LIMS1: variants seen among roughly 807,000 people sequenced by gnomAD.
The protein encoded by LIMS1 is LIM and senescent cell antigen-like-containing domain protein 1.
A neutral mutation model predicts 44.1 loss-of-function variants in LIMS1; 18 were observed. That is an observed-to-expected ratio of 0.41 (90% CI 0.28 to 0.61). The LOEUF is 0.61. Ranked by LOEUF, LIMS1 falls within the 20% of genes least tolerant of loss-of-function variation. The pLI is 0.32. For synonymous variants in LIMS1, 93 were observed against 149.1 expected (o/e 0.62, Z 2.74); for missense variants, 201 against 422.0 (o/e 0.48, Z 4.59).
chr2:108,563,079 T>C lies in LIMS1; in HGVS notation c.32+28485T>C, dbSNP rs570151764. Among the ~76,000 whole-genome samples, 8 of 152,330 alleles carry C rather than the reference T, an allele frequency of 5.3e-5. No individual in the cohort carries two copies. In the South Asian group the frequency reaches 1.4e-3, roughly 28 times the overall value. On this transcript the variant is annotated intron_variant, in intron 1 of 9. Transcript: ENST00000544547. ...GTGTGCAGCATGGTTTCCTGAATAT[T>C]TTAAGCCCACTGTTGAGACCTGCTC...
intron 1 of LIMS1, among the ~76,000 whole-genome samples, chr2:108,591,595 G>C (rs920462181): frequency 3.9e-5 from 6 of 151,974 alleles, no homozygotes; most frequent in Admixed American, 3.9e-4. Flanking sequence ...AAATAGCTGT[G>C]ACTACAGGCA....
intron 1 of LIMS1, among the ~76,000 whole-genome samples, chr2:108,571,381 A>G (rs1024922302): frequency 1.1e-4 from 17 of 152,238 alleles, no homozygotes; most frequent in African/African-American, 3.9e-4. Flanking sequence ...AGGCTCCATG[A>G]AAATGACTCT....
intron 1 of LIMS1, among the ~76,000 whole-genome samples, chr2:108,617,639 A>G (rs904655839): frequency 2.0e-5 from 3 of 152,230 alleles, no homozygotes; most frequent in South Asian, 4.1e-4. Flanking sequence ...CCCTGGCCCT[A>G]TAGATGCAGC....
chr2:108,577,620 A>C (rs1685717116), intron 1 of LIMS1, among the ~76,000 whole-genome samples: 1 of 152,198 alleles, frequency 6.6e-6, no homozygotes, highest in Admixed American at 6.5e-5. Context: ...CTCAAAAGTT[A>C]ATTTTTACAA....
At chr2:108,615,498 C>T (rs1338856884) in intron 1 of LIMS1, among the ~76,000 whole-genome samples, 1 of 152,036 alleles carries the variant, frequency 6.6e-6, no homozygotes, top group East Asian at 1.9e-4. Flanking sequence ...ATCAGCATGC[C>T]TTTTTGTGGT....
chr2:108,608,912 T>C (rs1011660071), intron 1 of LIMS1, among the ~76,000 whole-genome samples: 2 of 152,178 alleles, frequency 1.3e-5, no homozygotes, highest in Admixed American at 1.3e-4. Context: ...ATTACCGTCA[T>C]TACTGCCACT....
chr2:108,594,613 GAA>G (rs952512042), intron 1 of LIMS1, among the ~76,000 whole-genome samples: 3 of 152,096 alleles, frequency 2.0e-5, no homozygotes, highest in Non-Finnish European at 4.4e-5. Context: ...CTATCCTGTA[GAA>G]ATACAATGTA....
intron 1 of LIMS1, among the ~76,000 whole-genome samples, chr2:108,585,171 A>G (rs1035030418): frequency 1.2e-4 from 18 of 150,532 alleles, no homozygotes; most frequent in African/African-American, 2.7e-4. Context: ...AAAAAAAAAA[A>G]GGCGGGGCCA....
intron 1 of LIMS1, among the ~76,000 whole-genome samples, chr2:108,607,914 C>T (rs577586198): frequency 2.6e-5 from 4 of 152,308 alleles, no homozygotes; most frequent in African/African-American, 9.6e-5. Flanking sequence ...TCTTCAGGAG[C>T]CACATGGTGG....
In LIMS1 at chr2:108,676,704, G is replaced by A; in HGVS notation, c.774+6G>A. Reference sequence around the variant, plus strand: ...GTGAAACTCACTATAACCAGGTATTGACCTTAGTCACTGGATGCTAGATAG... The same window carrying A: ...GTGAAACTCACTATAACCAGGTATTAACCTTAGTCACTGGATGCTAGATAG... On this transcript the variant is annotated splice_donor_region_variant and intron_variant, in intron 7 of 9. Coordinates refer to ENST00000544547, the Ensembl canonical transcript of LIMS1. The A allele has an allele frequency of 7.3e-7, 1 of 1,366,038 alleles. No individual in the cohort carries two copies. The highest frequency in any genetic ancestry group is 1.0e-6 in the Non-Finnish European group (1 of 992,470). The allele number at this position is 1,366,038 out of a possible 1,614,324, so 84.6% of individuals were successfully genotyped here. A position where few individuals can be genotyped will look rare whatever the true frequency, so the allele number is the denominator to read the frequency against.
chr2:108,585,871 G>A (rs1686079824), intron 1 of LIMS1, among the ~76,000 whole-genome samples: 2 of 152,178 alleles, frequency 1.3e-5, no homozygotes, highest in Admixed American at 6.5e-5. Context: ...AGGTTGATGA[G>A]TAAATAGGAG....
At chr2:108,658,273 C>T (rs1206771168) in intron 1 of LIMS1, among the ~76,000 whole-genome samples, 9 of 85,438 alleles carry the variant, frequency 1.1e-4, no homozygotes, top group Non-Finnish European at 1.4e-4. Flanking sequence ...TAGGTCTTCA[C>T]GTGAAATCCT....
At chr2:108,557,012 C>T (rs570246629) in intron 1 of LIMS1, among the ~76,000 whole-genome samples, 3 of 152,286 alleles carry the variant, frequency 2.0e-5, no homozygotes, top group Non-Finnish European at 2.9e-5. Context: ...TTCATTTCTG[C>T]GTTCATCCGC....
At chr2:108,642,761 A>AT (rs1229346504) in intron 1 of LIMS1, among the ~76,000 whole-genome samples, 1 of 152,138 alleles carries the variant, frequency 6.6e-6, no homozygotes, top group African/African-American at 2.4e-5. Flanking sequence ...AATAGCTATA[A>AT]TTTTTTGCAT....
chr2:108,534,759 C>G (rs1036371633), intron 1 of LIMS1, among the ~76,000 whole-genome samples, 165 bp downstream of exon 1: 8 of 151,636 alleles, frequency 5.3e-5, no homozygotes, highest in Admixed American at 5.2e-4. Context: ...GGCGGCGTGG[C>G]TGCGTCCGGG....
intron 1 of LIMS1, among the ~76,000 whole-genome samples, chr2:108,595,427 T>G (rs2104699590): frequency 6.6e-6 from 1 of 152,326 alleles, no homozygotes; most frequent in East Asian, 1.9e-4. Context: ...AATGATGGTT[T>G]CAGACTGCTA....
chr2:108,648,441 A>T (rs6736248), intron 1 of LIMS1, among the ~76,000 whole-genome samples: 4 of 152,010 alleles, frequency 2.6e-5, no homozygotes, highest in Admixed American at 2.6e-4. Flanking sequence ...CTTTCTTCAC[A>T]GAATTGGAAA....
rs571512246 is a variant in LIMS1, at chr2:108,617,742, T to G, written c.33-41863T>G. 1.4e-3 allele frequency among the ~76,000 whole-genome samples: 207 copies of G among 152,326 alleles called. 1 individual carries two copies. Among genetic ancestry groups the G allele is most frequent in the African/African-American group, 4.9e-3 (202 of 41,580 alleles). On this transcript the variant is annotated intron_variant, in intron 1 of 9. Transcript: ENST00000544547. ...GATGATCAGGAGCTAGTCCTGCCAG[T>G]GATCCTTCTTCCAGTCTTACCAAGC...
In LIMS1 at chr2:108,578,587, A is replaced by ATTT. The variant is rs575139291; in HGVS notation, c.32+44014_32+44016dup. Among the ~76,000 whole-genome samples, 449 of 100,668 alleles carry ATTT rather than the reference A, an allele frequency of 4.5e-3. 3 individuals carry two copies. Among genetic ancestry groups the ATTT allele is most frequent in the Non-Finnish European group, 6.0e-3 (308 of 51,132 alleles). 66.0% of individuals were successfully genotyped at this position (100,668 alleles called of 152,430 possible). On this transcript the variant is annotated intron_variant, in intron 1 of 9. Transcript: ENST00000544547. ...TGTCTTAGTTCATGGAATGTAAATA[A>ATTT]TTTTTTTTTTTTTTTTTTTTTTTGG...
Sources: allele counts gnomAD v4.1 joint callset (sites outside exome capture counted in the v4.1 genomes callset), GRCh38; gene constraint gnomAD v4.1.1; transcripts MANE v1.5; gene names NCBI Gene and HGNC (gene_info 2026-07-23, HGNC 2026-07-21).